ATP5PF: variants seen among roughly 807,000 people sequenced by gnomAD.
The protein encoded by ATP5PF is ATP synthase peripheral stalk subunit F6, mitochondrial.
In ATP5PF, 7 loss-of-function variants were observed where a neutral mutation model predicts 12.0. That is an observed-to-expected ratio of 0.58 (90% confidence interval 0.33 to 1.10). The LOEUF (loss-of-function observed/expected upper bound fraction) is 1.10, where lower values mean the gene tolerates loss of function less well. ATP5PF is among the 50% of genes least tolerant of loss of function. ATP5PF has a pLI of 0.03. For synonymous variants in ATP5PF, 41 were observed against 45.4 expected, an observed-to-expected ratio of 0.90 and a Z score of 0.39; for missense variants, 120 against 127.7, an observed-to-expected ratio of 0.94 and a Z score of 0.29.
At chr21:25,729,338 G>A (rs1221614383) in intron 2 of ATP5PF, among the ~76,000 whole-genome samples, 7 of 152,122 alleles carry the variant, frequency 4.6e-5, no homozygotes, top group Non-Finnish European at 1.0e-4. Context: ...AAGACCCTAT[G>A]TATTTCTATA....
chr21:25,728,025 G>GTTCC (rs2034662806), intron 2 of ATP5PF, among the ~76,000 whole-genome samples: 1 of 151,978 alleles, frequency 6.6e-6, no homozygotes, highest in Non-Finnish European at 1.5e-5. Context: ...TTCTTTTATT[G>GTTCC]TTCCCTCTTC....
chr21:25,727,191 A>C (rs1483052988), intron 2 of ATP5PF, among the ~76,000 whole-genome samples: 1 of 152,232 alleles, frequency 6.6e-6, no homozygotes, highest in Non-Finnish European at 1.5e-5. Context: ...CTGCGGTTCT[A>C]AATAGATCCT....
At chr21:25,733,499 C>A (rs1376889528) in intron 1 of ATP5PF, among the ~76,000 whole-genome samples, 1 of 152,044 alleles carries the variant, frequency 6.6e-6, no homozygotes, top group Non-Finnish European at 1.5e-5. Context: ...TGCAATCCAG[C>A]CTGGGCGACA....
intron 1 of ATP5PF, among the ~76,000 whole-genome samples, chr21:25,733,961 C>A (rs2034898416): frequency 6.6e-6 from 1 of 152,166 alleles, no homozygotes; most frequent in South Asian, 2.1e-4. Context: ...TAGTATTCAT[C>A]CTGAGCCCCA....
chr21:25,726,295 GA>G (rs1216292231), intron 2 of ATP5PF, among the ~76,000 whole-genome samples: 1 of 152,002 alleles, frequency 6.6e-6, no homozygotes, highest in African/African-American at 2.4e-5. Flanking sequence ...CAATTTCGAA[GA>G]AAAAAATTAC....
chr21:25,729,688 A>C lies in ATP5PF; in HGVS notation c.107T>G (p.Leu36Arg). 6.2e-7 allele frequency: 1 copy of C among 1,613,964 alleles called. No individual in the cohort carries two copies. The highest frequency in any genetic ancestry group is 8.5e-7 in the Non-Finnish European group (1 of 1,179,988). Residue 36 changes from leucine (L) to arginine (R), a missense_variant, in exon 2 of 4, where the codon CTT becomes CGT. Transcript: ENST00000284971. ...GVTAVAFNKE[L>R]DPIQKLFVDK... The stretch of plus-strand genomic sequence containing the variant: ...CACAAAGAGTTTCTGTATAGGATCA[A>C]GTTCCTTATTAAATGCCACTGCTGT...
chr21:25,734,575 A>T, intron 1 of ATP5PF: 1 of 436,892 alleles, frequency 2.3e-6, no homozygotes, highest in Non-Finnish European at 3.6e-6. Context: ...GGGTTGCCCC[A>T]GCCAGGCTGC....
chr21:25,725,358 G>A lies in ATP5PF; in HGVS notation c.165-8C>T. 1 of 1,566,544 alleles carries A rather than the reference G, an allele frequency of 6.4e-7. No homozygotes were observed. The highest frequency in any genetic ancestry group is 1.2e-5 in the South Asian group (1 of 84,464). On this transcript the variant is annotated splice_polypyrimidine_tract_variant and splice_region_variant and intron_variant, in intron 2 of 3. Transcript: ENST00000284971. Reference sequence around the variant, plus strand: ...ACAGGTCCTCCAGATGTCCTGTTAAGTAAATGAGCAAACAAAAATTAATTT... The same window carrying A: ...ACAGGTCCTCCAGATGTCCTGTTAAATAAATGAGCAAACAAAAATTAATTT...
At chr21:25,733,492 A>C (rs2034867269) in intron 1 of ATP5PF, among the ~76,000 whole-genome samples, 2 of 152,134 alleles carry the variant, frequency 1.3e-5, no homozygotes, top group Admixed American at 1.3e-4. Context: ...GTGCCACTGC[A>C]ATCCAGCCTG....
At chr21:25,734,822 G>C in intron 1 of ATP5PF, 31 bp downstream of exon 1, 2 of 1,526,914 alleles carry the variant, frequency 1.3e-6, no homozygotes, top group South Asian at 2.4e-5. Context: ...GTCCCAAAAG[G>C]CCACGCTGAT....
chr21:25,731,243 A>G (rs1188757321), intron 1 of ATP5PF, among the ~76,000 whole-genome samples: 1 of 152,254 alleles, frequency 6.6e-6, no homozygotes, highest in Non-Finnish European at 1.5e-5. Context: ...TCTGTCTCAA[A>G]AAGAAAAAAA....
At position 25,731,582 on chromosome 21, in the gene ATP5PF, G is replaced by A. The variant is rs552424118; in HGVS notation, c.-7-1781C>T. On this transcript the variant is annotated intron_variant, in intron 1 of 3. Transcript: ENST00000284971. ...ACTTTTTTTTTTTTTTTGTAGAGAC[G>A]AGGTCTTGCCATATTGCCCTGGCTG... Among the ~76,000 whole-genome samples, 12 of 149,248 alleles carry A rather than the reference G, an allele frequency of 8.0e-5. No individual in the cohort carries two copies. In the South Asian group the frequency reaches 8.5e-4, roughly 11 times the overall value.
chr21:25,725,684 C>T (rs1484651377), intron 2 of ATP5PF, among the ~76,000 whole-genome samples: 1 of 152,296 alleles, frequency 6.6e-6, no homozygotes, highest in South Asian at 2.1e-4. Flanking sequence ...ATGATCCGCC[C>T]GCCTCGGCCT....
At position 25,725,367 on chromosome 21, in the gene ATP5PF, C is replaced by A; in HGVS notation, c.165-17G>T. The A allele has an allele frequency of 1.3e-6, 2 of 1,558,180 alleles. No homozygotes were observed. Among genetic ancestry groups the A allele is most frequent in the Non-Finnish European group, 1.7e-6 (2 of 1,158,068 alleles). On this transcript the variant is annotated splice_polypyrimidine_tract_variant and intron_variant, in intron 2 of 3. Coordinates refer to ENST00000284971, the MANE Select transcript of ATP5PF (RefSeq NM_001003703.2). ...CCAGATGTCCTGTTAAGTAAATGAGCAAACAAAAATTAATTTTGTGTACTA... is the reference window on the plus strand; with the variant it reads ...CCAGATGTCCTGTTAAGTAAATGAGAAAACAAAAATTAATTTTGTGTACTA...
chr21:25,735,079 T>C, upstream of ATP5PF: 1 of 994,410 alleles, frequency 1.0e-6, no homozygotes, highest in South Asian at 1.4e-5. Context: ...GGGTAAGTGC[T>C]TCCGGGTCCC....
At chr21:25,725,834 C>G (rs1471552347) in intron 2 of ATP5PF, among the ~76,000 whole-genome samples, 4 of 152,194 alleles carry the variant, frequency 2.6e-5, no homozygotes, top group African/African-American at 9.7e-5. Flanking sequence ...TATTTTATTA[C>G]GATGAGGTTT....
rs71183508 is a variant in ATP5PF, at chr21:25,730,736, C to CAAAAAAAAAAAAAAAAAAAAAAAA, written c.-7-959_-7-936dup. Reference sequence around the variant, plus strand: ...GCAACAAGAGCAAGACTCCGTCTCACAAAAAAAAAAAAAAAAAAAAAAAAA... The same window carrying CAAAAAAAAAAAAAAAAAAAAAAAA: ...GCAACAAGAGCAAGACTCCGTCTCACAAAAAAAAAAAAAAAAAAAAAAAAAAAAAAAAAAAAAAAAAAAAAAAAA... On this transcript the variant is annotated intron_variant, in intron 1 of 3. Transcript: ENST00000284971. Among the ~76,000 whole-genome samples the CAAAAAAAAAAAAAAAAAAAAAAAA allele has an allele frequency of 3.8e-4, 12 of 31,894 alleles. 1 individual carries two copies. Among genetic ancestry groups the CAAAAAAAAAAAAAAAAAAAAAAAA allele is most frequent in the East Asian group, 6.7e-4 (1 of 1,484 alleles). 20.9% of individuals were successfully genotyped at this position (31,894 alleles called of 152,430 possible).
At chr21:25,733,724 T>C (rs2034883256) in intron 1 of ATP5PF, among the ~76,000 whole-genome samples, 1 of 152,230 alleles carries the variant, frequency 6.6e-6, no homozygotes, top group Admixed American at 6.5e-5. Context: ...CCTTTCCTTG[T>C]ACCCTTACAG....
chr21:25,731,576 A>G (rs73897045), intron 1 of ATP5PF, among the ~76,000 whole-genome samples: 3,620 of 143,586 alleles, frequency 0.025, 150 homozygotes, highest in African/African-American at 0.088. Context: ...TTTTTTTTGT[A>G]GAGACGAGGT....
Sources: allele counts gnomAD v4.1 joint callset (sites outside exome capture counted in the v4.1 genomes callset), GRCh38; gene constraint gnomAD v4.1.1; transcripts MANE v1.5; gene names NCBI Gene and HGNC (gene_info 2026-07-23, HGNC 2026-07-21).